Variants in LRP2 observed in about 807,000 individuals in gnomAD.
The protein encoded by LRP2 is LDL receptor related protein 2.
In LRP2, 172 loss-of-function variants were observed where a neutral mutation model predicts 531.0. That is an observed-to-expected ratio of 0.32 (90% CI 0.29 to 0.37). LRP2 has a LOEUF of 0.37. Among genes scored for constraint, LRP2 ranks in the 10% least tolerant of loss-of-function variants. LRP2 has a pLI of 1.00. For missense variants in LRP2, 5,167 were observed against 5,868.3 expected, an observed-to-expected ratio of 0.88 and a Z score of 3.90; for synonymous variants, 1,992 against 2,027.6, an observed-to-expected ratio of 0.98 and a Z score of 0.47.
intron 29 of LRP2, among the ~76,000 whole-genome samples, chr2:169,234,616 T>C (rs895736564): frequency 6.6e-6 from 1 of 152,204 alleles, no homozygotes; most frequent in African/African-American, 2.4e-5. Flanking sequence ...GTAGAATGAT[T>C]TATATTCCTT....
chr2:169,151,053 A>C (rs1405655079), intron 67 of LRP2, 27 bp from the exon 68 acceptor site: 1 of 1,613,388 alleles, frequency 6.2e-7, no homozygotes, highest in Non-Finnish European at 8.5e-7. Context: ...AAAGTTAAAC[A>C]ACTGCAAAGC....
rs748321195 is a variant in LRP2 at position 169,256,823 on chromosome 2, T to C, written c.2639+301A>G. ...CAAATCTGTACCCTACTTTAAATGC[T>C]GCTTGGGACCCACCTCCCCCATCTT... On this transcript the variant is annotated intron_variant, in intron 18 of 78. Coordinates refer to ENST00000649046, the MANE Select transcript of LRP2 (RefSeq NM_004525.3). Among the ~76,000 whole-genome samples the C allele has an allele frequency of 2.3e-4, 35 of 152,134 alleles. 1 individual carries two copies. The highest frequency in any genetic ancestry group is 4.1e-4 in the Non-Finnish European group (28 of 68,000).
chr2:169,185,304 T>C (rs1403215094), intron 50 of LRP2, among the ~76,000 whole-genome samples, 199 bp downstream of exon 50: 1 of 152,230 alleles, frequency 6.6e-6, no homozygotes, highest in African/African-American at 2.4e-5. Flanking sequence ...AATGATACTA[T>C]AAATTTTTAA....
intron 71 of LRP2, among the ~76,000 whole-genome samples, chr2:169,140,927 C>T (rs540401288): frequency 6.6e-6 from 1 of 152,268 alleles, no homozygotes; most frequent in African/African-American, 2.4e-5. Context: ...TGTAGGCCCA[C>T]CTTGAAACTT....
intron 1 of LRP2, among the ~76,000 whole-genome samples, chr2:169,338,359 G>GAAAA (rs1685467009): frequency 2.6e-5 from 2 of 76,566 alleles, no homozygotes; most frequent in Admixed American, 2.9e-4. Context: ...AAAGAAAGAA[G>GAAAA]GAAAGAAAGA....
In LRP2 at chr2:169,227,019, A is replaced by G. The variant is rs114986787; in HGVS notation, c.5228-431T>C. ...AAATCATTGAGACTATTCTTGTGAA[A>G]GGCAGCTTACTAGTTTTAAGAATGT... On this transcript the variant is annotated intron_variant, in intron 31 of 78. Transcript: ENST00000649046. 7.4e-3 allele frequency among the ~76,000 whole-genome samples: 1,130 copies of G among 152,304 alleles called. 9 individuals carry two copies. Among genetic ancestry groups the G allele is most frequent in the African/African-American group, 0.026 (1,073 of 41,578 alleles).
intron 50 of LRP2, among the ~76,000 whole-genome samples, chr2:169,184,166 A>AT (rs1244371607): frequency 6.6e-6 from 1 of 151,984 alleles, no homozygotes; most frequent in Non-Finnish European, 1.5e-5. Flanking sequence ...TTCAAATATT[A>AT]TTTTTTCTGC....
chr2:169,244,870 G>A lies in LRP2; in HGVS notation c.3253C>T (p.Arg1085Cys), dbSNP rs766430378. 3.7e-6 allele frequency: 6 copies of A among 1,614,102 alleles called. No homozygotes were observed. The highest frequency in any genetic ancestry group is 3.4e-6 in the Non-Finnish European group (4 of 1,180,040). ...ACACAGTCGTTGCGTTTGTCACAGC[G>A]CCAGTGTGCAGGAATGCACTCCCCA... ...GHGECIPAHW[R>C]CDKRNDCVDG... The change falls in exon 22 of 79, where the codon CGC becomes TGC. Residue 1085 changes from arginine to cysteine, a missense_variant. By Grantham distance (180) the Arg-to-Cys change is radical. Around this residue, in one of 6 missense-constraint regions of LRP2, gnomAD observed 2,811 missense variants for 3,058.0 expected, o/e 0.92. Coordinates refer to ENST00000649046, the MANE Select transcript of LRP2 (RefSeq NM_004525.3).
intron 1 of LRP2, among the ~76,000 whole-genome samples, chr2:169,349,858 T>C (rs1478264242): frequency 6.6e-6 from 1 of 152,208 alleles, no homozygotes; most frequent in African/African-American, 2.4e-5. Context: ...ATAAATATTA[T>C]ATACTCCAAG....
chr2:169,311,931 C>A (rs6752012), intron 3 of LRP2, among the ~76,000 whole-genome samples: 50,572 of 151,804 alleles, frequency 0.33, 8,998 homozygotes, highest in African/African-American at 0.47. Context: ...TTCTTGTTGA[C>A]TGGATCCCTT....
At chr2:169,276,500 T>C (rs917735987) in intron 13 of LRP2, among the ~76,000 whole-genome samples, 1 of 152,206 alleles carries the variant, frequency 6.6e-6, no homozygotes, top group Non-Finnish European at 1.5e-5. Context: ...TTGGGTTAGC[T>C]AATTTTTTCA....
chr2:169,201,896 A>C (rs1268652142), intron 43 of LRP2, 26 bp from the exon 44 acceptor site: 1 of 1,613,730 alleles, frequency 6.2e-7, no homozygotes, highest in South Asian at 1.1e-5. Context: ...ACATGAGAAC[A>C]AACCCTCTTG....
In LRP2 at chr2:169,246,851, C is replaced by T. The variant is rs762522331; in HGVS notation, c.3044G>A (p.Gly1015Glu). 1 of 1,614,144 alleles carries T rather than the reference C, an allele frequency of 6.2e-7. No individual in the cohort carries two copies. Residue 1015 changes from glycine (G) to glutamate (E), a missense_variant, in exon 21 of 79, where the codon GGG (glycine) becomes GAG (glutamate). Physicochemically the swap from Gly to Glu is moderately conservative, Grantham distance 98 (BLOSUM62 -2). This residue lies in a region of LRP2 where 2,811 missense variants were observed against 3,058.0 expected (regional missense o/e 0.92). Transcript: ENST00000649046. ...RLASNHLTCE[G>E]DPTNEPPTEQ... ...TGTGGGTGGTTCATTGGTTGGGTCC[C>T]CCTCGCATGTCAAGTGATTGGAAGC...
intron 4 of LRP2, among the ~76,000 whole-genome samples, chr2:169,306,365 C>G (rs1047266659): frequency 2.0e-5 from 3 of 152,144 alleles, no homozygotes; most frequent in African/African-American, 7.2e-5. Context: ...GAAATGCCAT[C>G]TCTACTAAAA....
intron 22 of LRP2, 120 bp from the exon 23 acceptor site, chr2:169,243,642 C>A (rs774338895): frequency 2.5e-6 from 3 of 1,186,980 alleles, no homozygotes; most frequent in South Asian, 1.2e-5. Context: ...GTTCAAAATT[C>A]TTTTGAATCA....
intron 10 of LRP2, 44 bp from the exon 11 acceptor site, chr2:169,280,563 A>G: frequency 6.3e-7 from 1 of 1,576,888 alleles, no homozygotes; most frequent in Non-Finnish European, 8.7e-7. Flanking sequence ...TCAGATGAGC[A>G]AGGATGGTGA....
In LRP2 at chr2:169,186,969, T is replaced by C. The variant is rs995350460; in HGVS notation, c.9329-950A>G. 4.6e-5 allele frequency among the ~76,000 whole-genome samples: 7 copies of C among 152,236 alleles called. No individual in the cohort carries two copies. The East Asian group carries it at 5.8e-4, about 13-fold the overall frequency. ...AAATGTATAATATAGCACATGTTTT[T>C]CTTAATTTATTAAATGGTTTTTGAA... On this transcript the variant is annotated intron_variant, in intron 49 of 78. Coordinates refer to ENST00000649046, the MANE Select transcript of LRP2 (RefSeq NM_004525.3).
intron 3 of LRP2, among the ~76,000 whole-genome samples, chr2:169,317,442 A>T (rs1462540683): frequency 2.6e-5 from 4 of 152,172 alleles, no homozygotes. Flanking sequence ...AAATTTTGAG[A>T]CTTGAGCAGC....
chr2:169,291,002 G>T lies in LRP2; in HGVS notation c.770-5C>A, dbSNP rs180797349. The T allele has an allele frequency of 2.0e-5, 32 of 1,612,978 alleles. No individual in the cohort carries two copies. The Admixed American group carries it at 2.7e-4, about 13-fold the overall frequency. ...GAACATCATGAGGACCGCTTTCTGT[G>T]GGGGGAAAAAGAGAGAGTTACAGGC... On this transcript the variant is annotated splice_region_variant and splice_polypyrimidine_tract_variant and intron_variant, in intron 7 of 78. Transcript: ENST00000649046.
Sources: allele counts gnomAD v4.1 joint callset (sites outside exome capture counted in the v4.1 genomes callset), GRCh38; gene constraint gnomAD v4.1.1; regional missense constraint gnomAD v4.1.1; transcripts MANE v1.5; gene names NCBI Gene and HGNC (gene_info 2026-07-23, HGNC 2026-07-21).